Variants in TENM4 observed in about 807,000 individuals in gnomAD.
TENM4 encodes teneurin transmembrane protein 4, also known as teneurin-4.
In TENM4, 82 loss-of-function variants were observed where a neutral mutation model predicts 243.3. The observed-to-expected ratio is 0.34, with a 90% CI of 0.28 to 0.40. The LOEUF is 0.40. Among genes scored for constraint, TENM4 ranks in the 10% least tolerant of loss-of-function variants. The pLI, the probability that TENM4 is intolerant of heterozygous loss-of-function variation, is 1.00. For missense variants in TENM4, 3,138 were observed against 3,673.3 expected (o/e 0.85, Z 3.77); for synonymous variants, 1,412 against 1,456.3 (o/e 0.97, Z 0.69).
Position 78,676,189 on chromosome 11 carries a change from G to T in TENM4, c.5459C>A (p.Ala1820Asp), listed in dbSNP as rs373584472. ...LVEWRQRKEQ[A>D]RGQVTVFGRR... ...CCCAAAGACAGTGACCTGGCCCCGA[G>T]CCTGCTCTTTGCGCTGGCGCCACTC... is the stretch of plus-strand genomic sequence containing the variant. Residue 1820 changes from alanine (A) to aspartate (D), a missense_variant, in exon 30 of 34, where the codon GCT becomes GAT. By Grantham distance (126) the Ala-to-Asp change is moderately radical. This residue lies in a region of TENM4 where 2,467 missense variants were observed against 3,059.1 expected (regional missense o/e 0.81). Transcript: ENST00000278550. 7 of 1,558,298 alleles carry T rather than the reference G, an allele frequency of 4.5e-6. No individual in the cohort carries two copies. The African/African-American group carries it at 8.1e-5, about 18-fold the overall frequency.
chr11:79,302,031 G>A (rs1856558489), intron 1 of TENM4, among the ~76,000 whole-genome samples: 1 of 152,148 alleles, frequency 6.6e-6, no homozygotes, highest in Admixed American at 6.5e-5. Flanking sequence ...CAGAGACTTG[G>A]TCTCTCCTGT....
At chr11:79,149,673 C>T (rs777329192) in intron 3 of TENM4, among the ~76,000 whole-genome samples, 35 of 152,120 alleles carry the variant, frequency 2.3e-4, no homozygotes, top group African/African-American at 3.4e-4. Context: ...GCCTAGGATA[C>T]AGTCCACTTT....
At chr11:78,662,605 G>C (rs1230878280) in intron 32 of TENM4, among the ~76,000 whole-genome samples, 3 of 152,174 alleles carry the variant, frequency 2.0e-5, no homozygotes, top group Non-Finnish European at 2.9e-5. Flanking sequence ...TGTGGGGATA[G>C]ATAGGATTTT....
At chr11:79,145,645 G>A (rs1862383149) in intron 4 of TENM4, among the ~76,000 whole-genome samples, 1 of 152,034 alleles carries the variant, frequency 6.6e-6, no homozygotes, top group African/African-American at 2.4e-5. Flanking sequence ...ATATCTCAGG[G>A]GTATATTCCA....
intron 1 of TENM4, among the ~76,000 whole-genome samples, chr11:79,313,986 T>C (rs993793795): frequency 8.5e-5 from 13 of 152,284 alleles, no homozygotes; most frequent in Middle Eastern, 3.4e-3. Flanking sequence ...AAGCCTTTCT[T>C]CTAAACCCGT....
intron 2 of TENM4, among the ~76,000 whole-genome samples, chr11:79,229,215 C>G (rs1454713940): frequency 6.6e-6 from 1 of 152,222 alleles, no homozygotes; most frequent in African/African-American, 2.4e-5. Context: ...GGGCCCCTGG[C>G]CAAAAGCTCA....
At chr11:79,432,405 T>C (rs1413692572) in intron 1 of TENM4, among the ~76,000 whole-genome samples, 1 of 152,216 alleles carries the variant, frequency 6.6e-6, no homozygotes, top group Non-Finnish European at 1.5e-5. Flanking sequence ...GTTTAAATGA[T>C]CAGTTCTCAT....
intron 3 of TENM4, among the ~76,000 whole-genome samples, chr11:79,195,712 G>T (rs1482436352): frequency 1.3e-5 from 2 of 152,168 alleles, no homozygotes; most frequent in African/African-American, 4.8e-5. Flanking sequence ...AGGCTCATAG[G>T]TGGAAGGGAC....
At chr11:78,933,517 G>A (rs982273869) in intron 6 of TENM4, among the ~76,000 whole-genome samples, 2 of 152,206 alleles carry the variant, frequency 1.3e-5, no homozygotes, top group South Asian at 4.1e-4. Flanking sequence ...AGTGCTGCTT[G>A]TAACTTTTAT....
intron 6 of TENM4, among the ~76,000 whole-genome samples, chr11:79,054,933 C>T (rs1859902307): frequency 6.6e-6 from 1 of 151,948 alleles, no homozygotes; most frequent in East Asian, 1.9e-4. Context: ...GAGTTCAAGA[C>T]CAGCCTGGCC....
intron 28 of TENM4, among the ~76,000 whole-genome samples, chr11:78,694,164 G>T (rs867297761): frequency 6.6e-6 from 1 of 152,154 alleles, no homozygotes; most frequent in South Asian, 2.1e-4. Flanking sequence ...GGAAAACGCC[G>T]AATTGCCCTC....
intron 5 of TENM4, among the ~76,000 whole-genome samples, chr11:79,066,269 A>G (rs1468364431): frequency 3.9e-5 from 6 of 152,170 alleles, no homozygotes; most frequent in Admixed American, 6.5e-5. Context: ...GATGAGAGTG[A>G]ATGTGGAGAA....
chr11:78,929,922 G>A (rs1223617516), intron 6 of TENM4, among the ~76,000 whole-genome samples: 5 of 152,264 alleles, frequency 3.3e-5, no homozygotes, highest in East Asian at 1.9e-4. Flanking sequence ...AACAGAACCC[G>A]TTGCAATTGT....
chr11:78,670,948 C>T (rs764470549), intron 31 of TENM4, among the ~76,000 whole-genome samples: 53 of 152,168 alleles, frequency 3.5e-4, no homozygotes, highest in Non-Finnish European at 1.8e-4. Context: ...GAAGCTTTGG[C>T]CTGAAGTATG....
At chr11:79,009,766 T>C (rs569784754) in intron 6 of TENM4, among the ~76,000 whole-genome samples, 2 of 152,276 alleles carry the variant, frequency 1.3e-5, no homozygotes, top group South Asian at 4.1e-4. Context: ...CATCCAAGCC[T>C]CCTGCTTCCC....
intron 33 of TENM4, among the ~76,000 whole-genome samples, chr11:78,660,143 G>A (rs1857993880): frequency 6.6e-6 from 1 of 152,180 alleles, no homozygotes; most frequent in African/African-American, 2.4e-5. Context: ...GCCCTGGGAA[G>A]AGCAAATGCC....
intron 1 of TENM4, among the ~76,000 whole-genome samples, chr11:79,351,983 C>G (rs1857422128): frequency 6.6e-6 from 1 of 152,138 alleles, no homozygotes; most frequent in Non-Finnish European, 1.5e-5. Context: ...CCCCTCAAAT[C>G]CAAACTAAAC....
intron 9 of TENM4, among the ~76,000 whole-genome samples, chr11:78,881,893 T>C (rs1333670618): frequency 6.6e-6 from 1 of 152,226 alleles, no homozygotes; most frequent in East Asian, 1.9e-4. Flanking sequence ...CTGTGGCCTG[T>C]TATAATGAGA....
rs557498927 is a variant in TENM4, at chr11:79,233,115, C to T, written c.-264-17206G>A. Among the ~76,000 whole-genome samples the T allele has an allele frequency of 1.3e-4, 20 of 152,332 alleles. No individual in the cohort carries two copies. The East Asian group carries it at 3.1e-3, about 24-fold the overall frequency. Reference sequence around the variant, plus strand: ...CCATGCCAGCCCCTCTAGAAGCCTCCGCTGAGGCTGCCAGACTGAGTCAGA... The same window carrying T: ...CCATGCCAGCCCCTCTAGAAGCCTCTGCTGAGGCTGCCAGACTGAGTCAGA... On this transcript the variant is annotated intron_variant, in intron 2 of 33. Coordinates refer to ENST00000278550, the MANE Select transcript of TENM4 (RefSeq NM_001098816.3).
Sources: gnomAD v4.1 joint callset for allele counts (sites outside exome capture counted in the v4.1 genomes callset) on GRCh38, gnomAD v4.1.1 for gene constraint, gnomAD v4.1.1 regional missense constraint, MANE v1.5 for transcripts, NCBI Gene and HGNC (gene_info 2026-07-23, HGNC 2026-07-21) for gene names.